The following STIM1 variants were observed in gnomAD, a reference collection of about 807,000 sequenced individuals.
STIM1 encodes stromal interaction molecule 1.
A neutral mutation model predicts 74.7 loss-of-function variants in STIM1; 25 were observed. The ratio of observed to expected loss-of-function variants is 0.33; its 90% CI spans 0.24 to 0.47. STIM1 has a LOEUF of 0.47. Ranked by LOEUF, STIM1 falls within the 20% of genes least tolerant of loss-of-function variation. The pLI is 1.00. For synonymous variants in STIM1, 328 were observed against 348.8 expected, an observed-to-expected ratio of 0.94 and a Z score of 0.66; for missense variants, 728 against 920.8, an observed-to-expected ratio of 0.79 and a Z score of 2.71.
rs2094530026 is a variant in STIM1, at chr11:4,092,488, T to C, written c.*690T>C. The C allele has an allele frequency of 6.4e-6, 1 of 156,178 alleles. No individual in the cohort carries two copies. The highest frequency in any genetic ancestry group is 1.4e-5 in the Non-Finnish European group (1 of 70,350). 9.7% of individuals were successfully genotyped at this position (156,178 alleles called of 1,614,324 possible). On this transcript the variant is annotated 3_prime_UTR_variant, in exon 13 of 13. Transcript: ENST00000526596. ...GGAGAGGCATCTGTTCATTGGAGCATGAGTGGATGCCAGAACTGTAGGTTA... is the reference window on the plus strand; with the variant it reads ...GGAGAGGCATCTGTTCATTGGAGCACGAGTGGATGCCAGAACTGTAGGTTA...
At chr11:4,084,982 G>A (rs1048528600) in intron 11 of STIM1, among the ~76,000 whole-genome samples, 2 of 152,168 alleles carry the variant, frequency 1.3e-5, no homozygotes, top group African/African-American at 4.8e-5. Context: ...GGTAATGGAA[G>A]GCTTAGGCTT....
chr11:3,867,138 T>G (rs991614045), intron 1 of STIM1: 3 of 152,226 alleles, frequency 2.0e-5, no homozygotes, highest in Non-Finnish European at 4.4e-5. Flanking sequence ...TGGGATAGAA[T>G]TCACATGGTG....
chr11:3,884,178 C>T (rs775945638), intron 1 of STIM1, among the ~76,000 whole-genome samples: 1 of 152,110 alleles, frequency 6.6e-6, no homozygotes, highest in East Asian at 1.9e-4. Flanking sequence ...TTGGGTTCTT[C>T]TTCTATCTCT....
intron 2 of STIM1, 149 bp downstream of exon 2, chr11:3,967,831 G>A: frequency 8.5e-7 from 1 of 1,179,956 alleles, no homozygotes; most frequent in South Asian, 1.3e-5. Flanking sequence ...ATGGCTCCCA[G>A]AAGAGCAGCC....
At chr11:4,014,415 C>T (rs545081282) in intron 2 of STIM1, among the ~76,000 whole-genome samples, 1 of 152,148 alleles carries the variant, frequency 6.6e-6, no homozygotes. Flanking sequence ...GTCTGAGAGA[C>T]AGTTTGTTGT....
intron 3 of STIM1, among the ~76,000 whole-genome samples, chr11:4,026,273 T>A (rs1015731628): frequency 6.6e-5 from 10 of 152,234 alleles, no homozygotes; most frequent in South Asian, 4.1e-4. Flanking sequence ...TTCTCTGTGT[T>A]ATATAGATCT....
intron 1 of STIM1, among the ~76,000 whole-genome samples, chr11:3,899,898 G>A (rs903224138): frequency 9.5e-4 from 144 of 152,030 alleles, no homozygotes; most frequent in South Asian, 2.9e-3. Flanking sequence ...GCTTTTTGAT[G>A]TGCTACTGGA....
At chr11:3,982,503 T>C (rs1434435104) in intron 2 of STIM1, among the ~76,000 whole-genome samples, 1 of 152,226 alleles carries the variant, frequency 6.6e-6, no homozygotes, top group Non-Finnish European at 1.5e-5. Flanking sequence ...GTACTACCAT[T>C]GCTATGATGT....
intron 1 of STIM1, among the ~76,000 whole-genome samples, chr11:3,866,328 A>G (rs2090855089): frequency 6.6e-6 from 1 of 151,954 alleles, no homozygotes; most frequent in Non-Finnish European, 1.5e-5. Context: ...TAGCTGTGAG[A>G]TACTGCTGAC....
At chr11:3,892,684 T>C (rs2091933242) in intron 1 of STIM1, 1 of 1,612,430 alleles carries the variant, frequency 6.2e-7, no homozygotes, top group Admixed American at 1.7e-5. Context: ...CATTATGGTG[T>C]GTGAAGTCAC....
chr11:4,075,574 A>G (rs1290853904), intron 7 of STIM1, among the ~76,000 whole-genome samples: 1 of 152,210 alleles, frequency 6.6e-6, no homozygotes, highest in Admixed American at 6.5e-5. Flanking sequence ...GTTTATTTCC[A>G]TTGCTGAGTA....
At chr11:3,963,094 C>T (rs541309293) in intron 1 of STIM1, among the ~76,000 whole-genome samples, 9 of 152,166 alleles carry the variant, frequency 5.9e-5, no homozygotes, top group African/African-American at 2.2e-4. Flanking sequence ...TAAATTTTAA[C>T]TTTTATTTTG....
chr11:4,076,732 T>A (rs1420139221), intron 7 of STIM1, among the ~76,000 whole-genome samples: 2 of 151,498 alleles, frequency 1.3e-5, no homozygotes, highest in South Asian at 2.1e-4. Context: ...CTTTTTTTTT[T>A]TTTTATTTTT....
intron 1 of STIM1, among the ~76,000 whole-genome samples, chr11:3,930,454 T>G (rs1239142747): frequency 6.6e-6 from 1 of 152,164 alleles, no homozygotes; most frequent in Admixed American, 6.5e-5. Flanking sequence ...ACACTTGTAT[T>G]ATTGAATTAT....
At chr11:3,946,447 G>A (rs570523365) in intron 1 of STIM1, among the ~76,000 whole-genome samples, 61 of 152,214 alleles carry the variant, frequency 4.0e-4, no homozygotes, top group Non-Finnish European at 5.9e-4. Context: ...TGCTTCTGAG[G>A]TGATGTTTTC....
intron 1 of STIM1, among the ~76,000 whole-genome samples, chr11:3,924,352 C>G (rs564516529): frequency 6.6e-6 from 1 of 151,468 alleles, no homozygotes; most frequent in South Asian, 2.1e-4. Context: ...GCGCCCACCA[C>G]CACGCCCGGC....
intron 2 of STIM1, chr11:3,974,278 C>T (rs2093424549): frequency 3.0e-6 from 1 of 329,868 alleles, no homozygotes; most frequent in Admixed American, 4.4e-5. Flanking sequence ...TTTTCAGCGG[C>T]ATCCATGGGT....
chr11:4,006,401 A>G (rs141362194), intron 2 of STIM1, among the ~76,000 whole-genome samples: 1 of 152,104 alleles, frequency 6.6e-6, no homozygotes, highest in East Asian at 1.9e-4. Flanking sequence ...AGTCTCAGGT[A>G]TTTCTTTTTT....
chr11:4,034,723 G>T (rs907962535), intron 3 of STIM1, among the ~76,000 whole-genome samples: 1 of 152,134 alleles, frequency 6.6e-6, no homozygotes, highest in Non-Finnish European at 1.5e-5. Context: ...ATAGAATTCA[G>T]CAGTGAAGCT....
Sources: allele counts gnomAD v4.1 joint callset (sites outside exome capture counted in the v4.1 genomes callset), GRCh38; gene constraint gnomAD v4.1.1; transcripts MANE v1.5; gene names NCBI Gene and HGNC (gene_info 2026-07-23, HGNC 2026-07-21).